The following NAV3 variants were observed in gnomAD, a reference collection of about 807,000 sequenced individuals.
NAV3 encodes the protein pore membrane and/or filament interacting like protein 1.
NAV3 carries 87 observed loss-of-function variants against 244.7 expected under a neutral mutation model. The ratio of observed to expected loss-of-function variants is 0.36; its 90% CI spans 0.30 to 0.42. The LOEUF is 0.42. Among genes scored for constraint, NAV3 ranks in the 20% least tolerant of loss-of-function variants. The pLI is 1.00. For synonymous variants in NAV3, 1,126 were observed against 1,042.2 expected, an observed-to-expected ratio of 1.08 and a Z score of -1.55; for missense variants, 2,663 against 2,893.3, an observed-to-expected ratio of 0.92 and a Z score of 1.83.
chr12:77,669,771 T>C (rs1457945150), intron 2 of NAV3, among the ~76,000 whole-genome samples: 1 of 152,004 alleles, frequency 6.6e-6, no homozygotes, highest in East Asian at 1.9e-4. Context: ...TAATACTCTA[T>C]TGACAGCAGT....
chr12:78,070,278 T>G (rs1239193231), intron 12 of NAV3, among the ~76,000 whole-genome samples: 1 of 152,138 alleles, frequency 6.6e-6, no homozygotes. Context: ...AACAACCTTC[T>G]AGGTTTGATA....
chr12:78,128,638 T>C, intron 17 of NAV3, 68 bp from the exon 18 acceptor site: 1 of 1,496,224 alleles, frequency 6.7e-7, no homozygotes, highest in South Asian at 1.3e-5. Flanking sequence ...CTCTGAATTG[T>C]TTTCCTGTCC....
intron 2 of NAV3, among the ~76,000 whole-genome samples, chr12:77,647,524 G>T (rs1872656927): frequency 6.6e-6 from 1 of 151,238 alleles, no homozygotes. Context: ...AGAAATTTGA[G>T]ATTAGGACTT....
chr12:77,967,846 A>G (rs1034423409), intron 4 of NAV3, among the ~76,000 whole-genome samples: 3 of 152,152 alleles, frequency 2.0e-5, no homozygotes, highest in African/African-American at 7.2e-5. Context: ...AATCCTCCTT[A>G]TTTATTAATA....
intron 3 of NAV3, among the ~76,000 whole-genome samples, chr12:77,948,250 A>T (rs1890546209): frequency 6.6e-6 from 1 of 152,044 alleles, no homozygotes; most frequent in South Asian, 2.1e-4. Context: ...TATAGAATGA[A>T]TAGCTTAAAT....
intron 2 of NAV3, among the ~76,000 whole-genome samples, chr12:77,630,030 T>G (rs1319077449): frequency 2.0e-5 from 3 of 152,166 alleles, no homozygotes; most frequent in African/African-American, 4.8e-5. Context: ...GAGTAGTTTT[T>G]GAAAGCAGTC....
intron 2 of NAV3, among the ~76,000 whole-genome samples, chr12:77,631,028 GAATAAGTT>G (rs1270826367): frequency 6.6e-6 from 1 of 152,178 alleles, no homozygotes; most frequent in Non-Finnish European, 1.5e-5. Context: ...GTGAATATAT[GAATAAGTT>G]TCTGTGTTTA....
intron 5 of NAV3, among the ~76,000 whole-genome samples, chr12:77,970,823 C>T (rs942396471): frequency 1.3e-5 from 2 of 151,590 alleles, no homozygotes; most frequent in African/African-American, 4.8e-5. Flanking sequence ...CTGAAAAGTG[C>T]CAGAAATAAT....
intron 22 of NAV3, among the ~76,000 whole-genome samples, chr12:78,155,018 T>A (rs888895881): frequency 1.3e-5 from 2 of 152,098 alleles, no homozygotes; most frequent in Non-Finnish European, 2.9e-5. Context: ...GACAATATTT[T>A]TTTTCTTCAA....
At chr12:77,880,337 T>G (rs1281453108) in intron 1 of NAV3, among the ~76,000 whole-genome samples, 1 of 152,182 alleles carries the variant, frequency 6.6e-6, no homozygotes, top group Non-Finnish European at 1.5e-5. Context: ...AATGTGATTT[T>G]CAGGAAAATG....
intron 8 of NAV3, among the ~76,000 whole-genome samples, chr12:78,015,674 A>C (rs762083935): frequency 6.6e-6 from 1 of 152,064 alleles, no homozygotes; most frequent in Non-Finnish European, 1.5e-5. Flanking sequence ...AGTTGTATGT[A>C]ATAGGTATTT....
At chr12:78,131,464 T>C (rs1248834339) in intron 18 of NAV3, among the ~76,000 whole-genome samples, 1 of 152,176 alleles carries the variant, frequency 6.6e-6, no homozygotes. Flanking sequence ...TTTAAAATGT[T>C]TGTGTAGGTC....
intron 38 of NAV3, among the ~76,000 whole-genome samples, chr12:78,203,358 G>T (rs1210078546): frequency 1.1e-4 from 16 of 151,830 alleles, no homozygotes; most frequent in Non-Finnish European, 1.5e-5. Context: ...TTCTTCAATT[G>T]GTTTAAGTTG....
chr12:77,850,210 T>C (rs976598409), intron 1 of NAV3, among the ~76,000 whole-genome samples: 1 of 152,310 alleles, frequency 6.6e-6, no homozygotes, highest in Admixed American at 6.5e-5. Flanking sequence ...TTACAAGTGT[T>C]TTTGGCATTC....
intron 2 of NAV3, among the ~76,000 whole-genome samples, chr12:77,746,643 AATT>A (rs1868559877): frequency 1.3e-5 from 2 of 152,268 alleles, no homozygotes; most frequent in Non-Finnish European, 2.9e-5. Context: ...GAATGGAAGT[AATT>A]ATAACATTTG....
chr12:77,958,002 T>A (rs1195078577), intron 3 of NAV3, among the ~76,000 whole-genome samples: 1 of 152,188 alleles, frequency 6.6e-6, no homozygotes, highest in Non-Finnish European at 1.5e-5. Flanking sequence ...ATGGTTGATA[T>A]GTCAAGAACA....
rs761905630 is a variant in NAV3, at chr12:77,998,491, C to T, written c.880+15C>T. The stretch of plus-strand genomic sequence containing the variant: ...AAACGAAAAAGGTAAGTGTTTGTTA[C>T]ATCATTATGACACAAGTCCAACATG... On this transcript the variant is annotated intron_variant, in intron 7 of 39. Coordinates refer to ENST00000397909, the MANE Select transcript of NAV3 (RefSeq NM_001024383.2). 6.3e-7 allele frequency: 1 copy of T among 1,588,986 alleles called. No homozygotes were observed. Among genetic ancestry groups the T allele is most frequent in the East Asian group, 2.3e-5 (1 of 44,006 alleles).
At chr12:77,651,631 A>G (rs1041826870) in intron 2 of NAV3, among the ~76,000 whole-genome samples, 1 of 152,140 alleles carries the variant, frequency 6.6e-6, no homozygotes, top group Non-Finnish European at 1.5e-5. Context: ...ATCTTTCCAT[A>G]TTTTAAGGTT....
chr12:77,851,333 A>G (rs980598000), intron 1 of NAV3, among the ~76,000 whole-genome samples: 1 of 152,004 alleles, frequency 6.6e-6, no homozygotes, highest in African/African-American at 2.4e-5. Flanking sequence ...TGCTATTTGA[A>G]CCTTTATTTA....
Sources: allele counts gnomAD v4.1 joint callset (sites outside exome capture counted in the v4.1 genomes callset), GRCh38; gene constraint gnomAD v4.1.1; transcripts MANE v1.5; gene names NCBI Gene and HGNC (gene_info 2026-07-23, HGNC 2026-07-21).